The following MOB3C variants were observed in gnomAD, a reference collection of about 807,000 sequenced individuals.
The protein encoded by MOB3C is MOB1, Mps One Binder kinase activator-like 2C.
Under a neutral mutation model 19.8 loss-of-function variants are expected in MOB3C, and 17 were observed. The ratio of observed to expected loss-of-function variants is 0.86; its 90% CI spans 0.59 to 1.29. MOB3C has a LOEUF of 1.29. Ranked by LOEUF, MOB3C falls within the 50% of genes most tolerant of loss-of-function variation. MOB3C has a pLI of 0.00. For missense variants in MOB3C, 291 were observed against 301.9 expected (o/e 0.96, Z 0.27); for synonymous variants, 101 against 119.2 (o/e 0.85, Z 0.99).
intron 1 of MOB3C, chr1:46,615,127 T>C (rs1245497792): frequency 6.9e-7 from 1 of 1,453,314 alleles, no homozygotes; most frequent in South Asian, 1.1e-5. Context: ...CCAAAATCCC[T>C]CACACTGCAA....
rs1472870405 is a variant in MOB3C at position 46,612,938 on chromosome 1, G to A, written c.384C>T (p.Leu128=). Residue 128 remains leucine, a synonymous_variant, in exon 2 of 4, where the codon CTC becomes CTT. Coordinates refer to ENST00000319928, the MANE Select transcript of MOB3C (RefSeq NM_201403.3). ...TGGGAAAGACCTCTTCGTCGTTGAT[G>A]AGGCCTTCGATCCAGTCCATGAGCA... ...MALLMDWIEG[L]INDEEVFPTR... The A allele has an allele frequency of 1.9e-6, 3 of 1,569,330 alleles. No homozygotes were observed. Among genetic ancestry groups the A allele is most frequent in the Non-Finnish European group, 2.6e-6 (3 of 1,154,360 alleles).
chr1:46,614,909 A>G (rs1412024560), intron 1 of MOB3C: 1 of 1,303,754 alleles, frequency 7.7e-7, no homozygotes, highest in African/African-American at 1.5e-5. Flanking sequence ...GTAAAATGAG[A>G]GCAGCTTGGA....
intron 1 of MOB3C, chr1:46,615,273 G>T: frequency 1.8e-6 from 1 of 550,600 alleles, no homozygotes; most frequent in Non-Finnish European, 3.2e-6. Context: ...AACCACCCTG[G>T]GCTTCTTCCT....
Position 46,608,816 on chromosome 1 carries a change from G to C in MOB3C, c.*839C>G, listed in dbSNP as rs1241416371. 2 of 152,758 alleles carry C rather than the reference G, an allele frequency of 1.3e-5. No individual in the cohort carries two copies. Among genetic ancestry groups the C allele is most frequent in the South Asian group, 2.1e-4 (1 of 4,832 alleles). 9.5% of individuals were successfully genotyped at this position (152,758 alleles called of 1,614,324 possible). On this transcript the variant is annotated 3_prime_UTR_variant, in exon 4 of 4. Transcript: ENST00000319928. This position sits in a 1 kb window ranked among gnomAD's most constrained non-coding sequence, Gnocchi z 4.5. ...TCATCTCCAACCCCCAGGAGGACAC[G>C]TATAATACAGGCCTTCTTGGAGGCA...
rs768339116 is a variant in MOB3C, at chr1:46,612,990, TTGGCGGGCCGCCGGTAC to T, written c.315_331del (p.Tyr106AlafsTer34). ...TGCCATATAGCGCGGCGCAGAGAGCTTGGCGGGCCGCCGGTACTGGCGCTCGTCCTGCCAGCGGTACT... is the reference window on the plus strand; with the variant it reads ...TGCCATATAGCGCGGCGCAGAGAGCTTGGCGCTCGTCCTGCCAGCGGTACT... On this transcript the variant is annotated frameshift_variant, in exon 2 of 4. Coordinates refer to ENST00000319928, the MANE Select transcript of MOB3C (RefSeq NM_201403.3). LOFTEE classifies it high-confidence loss of function. 1 of 1,612,254 alleles carries T rather than the reference TTGGCGGGCCGCCGGTAC, an allele frequency of 6.2e-7. No individual in the cohort carries two copies. Among genetic ancestry groups the T allele is most frequent in the Admixed American group, 1.7e-5 (1 of 59,910 alleles).
Position 46,610,192 on chromosome 1 carries a change from G to A in MOB3C, c.431C>T (p.Pro144Leu). 1 of 1,614,070 alleles carries A rather than the reference G, an allele frequency of 6.2e-7. No homozygotes were observed. The highest frequency in any genetic ancestry group is 8.5e-7 in the Non-Finnish European group (1 of 1,180,020). The change falls in exon 3 of 4, where the codon CCT (proline) becomes CTT (leucine). Residue 144 changes from proline to leucine, a missense_variant. By Grantham distance (98) the Pro-to-Leu change is moderately conservative. Transcript: ENST00000319928. The stretch of plus-strand genomic sequence containing the variant: ...GGTGCAGACCTGCTGGAAGTTCTTA[G>A]GGAAGGGAACTCCTAGAGGGCAGGG... ...VFPTRVGVPFPKNFQQVCTKI... is the reference protein window; with the variant it reads ...VFPTRVGVPFLKNFQQVCTKI...
chr1:46,614,985 A>T, intron 1 of MOB3C: 1 of 1,608,912 alleles, frequency 6.2e-7, no homozygotes, highest in Admixed American at 1.7e-5. Context: ...GTGAAAGGTC[A>T]TCTCATCCAT....
At chr1:46,612,546 C>A (rs1036323278) in intron 2 of MOB3C, among the ~76,000 whole-genome samples, 3 of 151,834 alleles carry the variant, frequency 2.0e-5, no homozygotes, top group African/African-American at 7.3e-5. Flanking sequence ...TGCCTATAAT[C>A]CCAGCTACTC....
At chr1:46,613,593 G>C in intron 1 of MOB3C, 1 of 570,358 alleles carries the variant, frequency 1.8e-6, no homozygotes, top group Non-Finnish European at 3.1e-6. Flanking sequence ...ATCTTGCTTT[G>C]TCTCTTTTCT....
At position 46,607,876 on chromosome 1, in the gene MOB3C, C is replaced by T. The variant is rs1368551621; in HGVS notation, c.*1779G>A. 6.6e-6 allele frequency: 1 copy of T among 152,258 alleles called. No individual in the cohort carries two copies. The highest frequency in any genetic ancestry group is 1.5e-5 in the Non-Finnish European group (1 of 68,068). The allele number at this position is 152,258 out of a possible 1,614,324, so 9.4% of individuals were successfully genotyped here. A position where few individuals can be genotyped will look rare whatever the true frequency, so the allele number is the denominator to read the frequency against. ...AAGTCACAGCACTCTGGGAAAAGCT[C>T]CTACTACCCTCGCTCCACAGCCTCT... On this transcript the variant is annotated 3_prime_UTR_variant, in exon 4 of 4. Coordinates refer to ENST00000319928, the MANE Select transcript of MOB3C (RefSeq NM_201403.3).
intron 1 of MOB3C, 69 bp from the exon 2 acceptor site, chr1:46,613,440 T>C: frequency 1.4e-6 from 2 of 1,383,296 alleles, no homozygotes; most frequent in Non-Finnish European, 2.0e-6. Flanking sequence ...ACTTCCCAAT[T>C]CATCATTTCC....
At chr1:46,613,690 G>A in intron 1 of MOB3C, 1 of 347,092 alleles carries the variant, frequency 2.9e-6, no homozygotes, top group Non-Finnish European at 5.3e-6. Context: ...GAGGCTCCCT[G>A]CAGGCCCACC....
At position 46,609,390 on chromosome 1, in the gene MOB3C, CT is replaced by C; in HGVS notation, c.*264del. On this transcript the variant is annotated 3_prime_UTR_variant, in exon 4 of 4. Coordinates refer to ENST00000319928, the MANE Select transcript of MOB3C (RefSeq NM_201403.3). ...GGTCAAGTGTCATAGAAGAAACCCC[CT>C]AGCCTACCCTACTCCCAGACTTCAT... 2 of 565,564 alleles carry C rather than the reference CT, an allele frequency of 3.5e-6. No individual in the cohort carries two copies. Among genetic ancestry groups the C allele is most frequent in the Non-Finnish European group, 6.4e-6 (2 of 314,810 alleles). The allele number at this position is 565,564 out of a possible 1,614,324, so 35.0% of individuals were successfully genotyped here.
Position 46,609,551 on chromosome 1 carries a change from G to A in MOB3C, c.*104C>T. 3 of 1,428,238 alleles carry A rather than the reference G, an allele frequency of 2.1e-6. No individual in the cohort carries two copies. The highest frequency in any genetic ancestry group is 2.9e-6 in the Non-Finnish European group (3 of 1,017,046). 88.5% of individuals were successfully genotyped at this position (1,428,238 alleles called of 1,614,324 possible). On this transcript the variant is annotated 3_prime_UTR_variant, in exon 4 of 4. Transcript: ENST00000319928. The stretch of plus-strand genomic sequence containing the variant: ...TCCAGAGGCTTTGGGTGTGTGGAGT[G>A]ATTCCAGTGCCTTCAGATTCCTTCA...
At position 46,612,893 on chromosome 1, in the gene MOB3C, G is replaced by C; in HGVS notation, c.418+11C>G. On this transcript the variant is annotated intron_variant, in intron 2 of 3. Coordinates refer to ENST00000319928, the MANE Select transcript of MOB3C (RefSeq NM_201403.3). ...CTCCCAGTGGCTCCCTCCCCGCCAG[G>C]TGACACTCACCAACACGCGTGGGAA... The C allele has an allele frequency of 2.0e-6, 3 of 1,536,570 alleles. No homozygotes were observed. The highest frequency in any genetic ancestry group is 2.6e-6 in the Non-Finnish European group (3 of 1,139,952).
rs1557916489 is a variant in MOB3C at position 46,613,038 on chromosome 1, CG to C, written c.283del (p.Arg95AlafsTer61). 6.2e-7 allele frequency: 1 copy of C among 1,613,968 alleles called. No individual in the cohort carries two copies. Among genetic ancestry groups the C allele is most frequent in the Non-Finnish European group, 8.5e-7 (1 of 1,179,944 alleles). ...CTCGTCCTGCCAGCGGTACTCGTAG[CG>C]GGGCCCGCCGGCCATGACCGGGCAG... ...TSCPVMAGGPRYEYRWQDERQ... is the reference protein window; with the variant it reads ...TSCPVMAGGPXYEYRWQDERQ... On this transcript the variant is annotated frameshift_variant, in exon 2 of 4. Transcript: ENST00000319928. LOFTEE classifies it high-confidence loss of function.
chr1:46,613,029 T>C lies in MOB3C; in HGVS notation c.293A>G (p.Tyr98Cys). Reference sequence around the variant, plus strand: ...GTACTGGCGCTCGTCCTGCCAGCGGTACTCGTAGCGGGGCCCGCCGGCCAT... The same window carrying C: ...GTACTGGCGCTCGTCCTGCCAGCGGCACTCGTAGCGGGGCCCGCCGGCCAT... ...PVMAGGPRYE[Y>C]RWQDERQYRR... is the part of the protein sequence containing the mutation. The change falls in exon 2 of 4, where the codon TAC becomes TGC. Residue 98 changes from tyrosine to cysteine, a missense_variant. Tyr to Cys is a radical substitution (Grantham distance 194). Transcript: ENST00000319928. 1 of 1,613,928 alleles carries C rather than the reference T, an allele frequency of 6.2e-7. No individual in the cohort carries two copies. Among genetic ancestry groups the C allele is most frequent in the Non-Finnish European group, 8.5e-7 (1 of 1,179,920 alleles).
Position 46,613,121 on chromosome 1 carries a change from G to A in MOB3C, c.201C>T (p.Phe67=), listed in dbSNP as rs1265079479. 6.2e-7 allele frequency: 1 copy of A among 1,614,258 alleles called. No individual in the cohort carries two copies. The highest frequency in any genetic ancestry group is 8.5e-7 in the Non-Finnish European group (1 of 1,180,042). The change falls in exon 2 of 4, where the codon TTC becomes TTT. Residue 67 remains phenylalanine (F), a synonymous_variant. Transcript: ENST00000319928. ...CGTAGATGAGGTTGATGCGGTTGAAGAAGTCCACCACGTGCACGGCGATCC... is the reference window on the plus strand; with the variant it reads ...CGTAGATGAGGTTGATGCGGTTGAAAAAGTCCACCACGTGCACGGCGATCC... ...DDWIAVHVVD[F]FNRINLIYGT...
rs1675391916 is a variant in MOB3C, at chr1:46,607,847, A to G, written c.*1808T>C. 1 of 152,230 alleles carries G rather than the reference A, an allele frequency of 6.6e-6. No homozygotes were observed. Among genetic ancestry groups the G allele is most frequent in the Non-Finnish European group, 1.5e-5 (1 of 68,056 alleles). The allele number at this position is 152,230 out of a possible 1,614,324, so 9.4% of individuals were successfully genotyped here. A position where few individuals can be genotyped will look rare whatever the true frequency, so the allele number is the denominator to read the frequency against. On this transcript the variant is annotated 3_prime_UTR_variant, in exon 4 of 4. Transcript: ENST00000319928. Reference sequence around the variant, plus strand: ...CCCTTGCCACAGCCTAGAATCCATCATGCAAGTCACAGCACTCTGGGAAAA... The same window carrying G: ...CCCTTGCCACAGCCTAGAATCCATCGTGCAAGTCACAGCACTCTGGGAAAA...
Sources: gnomAD v4.1 joint callset for allele counts (sites outside exome capture counted in the v4.1 genomes callset) on GRCh38, gnomAD v4.1.1 for gene constraint, Gnocchi (gnomAD v3.1) non-coding constraint, MANE v1.5 for transcripts, NCBI Gene and HGNC (gene_info 2026-07-23, HGNC 2026-07-21) for gene names.